The following UBE2E1 variants were observed in gnomAD, a reference collection of about 807,000 sequenced individuals.
The protein encoded by UBE2E1 is ubiquitin-conjugating enzyme E2 E1.
UBE2E1 carries 6 observed loss-of-function variants against 21.4 expected under a neutral mutation model. The ratio of observed to expected loss-of-function variants is 0.28; its 90% CI spans 0.15 to 0.55. The LOEUF (loss-of-function observed/expected upper bound fraction) is 0.55, where lower values mean the gene tolerates loss of function less well. UBE2E1 is among the 20% of genes least tolerant of loss of function. The pLI, the probability that UBE2E1 is intolerant of heterozygous loss-of-function variation, is 0.93. For missense variants in UBE2E1, 142 were observed against 236.5 expected (o/e 0.60, Z 2.62); for synonymous variants, 87 against 82.7 (o/e 1.05, Z -0.28).
chr3:23,855,745 G>A (rs1353153577), intron 3 of UBE2E1, among the ~76,000 whole-genome samples: 1 of 152,056 alleles, frequency 6.6e-6, no homozygotes, highest in African/African-American at 2.4e-5. Context: ...CAGGAGAATG[G>A]CGTGAACCCG....
intron 3 of UBE2E1, among the ~76,000 whole-genome samples, chr3:23,817,090 C>T (rs1040024251): frequency 1.7e-4 from 26 of 152,292 alleles, no homozygotes; most frequent in African/African-American, 5.5e-4. Context: ...AGGCAATACT[C>T]ACAGTTTTTG....
At chr3:23,811,634 C>A in intron 3 of UBE2E1, 124 bp downstream of exon 3, 1 of 855,440 alleles carries the variant, frequency 1.2e-6, no homozygotes, top group Non-Finnish European at 1.8e-6. Flanking sequence ...ACTAACATCA[C>A]GTAACAGCTG....
At chr3:23,809,393 A>G (rs184576050) in intron 2 of UBE2E1, among the ~76,000 whole-genome samples, 3 of 152,332 alleles carry the variant, frequency 2.0e-5, no homozygotes, top group East Asian at 3.9e-4. Flanking sequence ...GAAGGGGCAC[A>G]TTCACCAGGA....
chr3:23,841,946 G>C (rs9880176), intron 3 of UBE2E1, among the ~76,000 whole-genome samples: 1 of 152,144 alleles, frequency 6.6e-6, no homozygotes, highest in African/African-American at 2.4e-5. Context: ...GTGTTGAGTG[G>C]CTGACTGCTG....
chr3:23,833,906 G>T (rs964189524), intron 3 of UBE2E1, among the ~76,000 whole-genome samples: 18 of 152,134 alleles, frequency 1.2e-4, no homozygotes, highest in African/African-American at 4.3e-4. Flanking sequence ...GCTGAGGTGG[G>T]AGGATCACTT....
intron 3 of UBE2E1, among the ~76,000 whole-genome samples, chr3:23,831,798 G>A (rs1699872037): frequency 6.6e-6 from 1 of 151,872 alleles, no homozygotes; most frequent in Admixed American, 6.6e-5. Flanking sequence ...CCAGGTTCAA[G>A]CCATTCTCCT....
chr3:23,828,702 A>G (rs188329784), intron 3 of UBE2E1, among the ~76,000 whole-genome samples: 45 of 152,262 alleles, frequency 3.0e-4, no homozygotes, highest in African/African-American at 1.1e-3. Context: ...GATGCTTTCA[A>G]TATAAAATAA....
rs71057627 is a variant in UBE2E1 at position 23,847,488 on chromosome 3, A to ATTT, written c.203+36000_203+36002dup. On this transcript the variant is annotated intron_variant, in intron 3 of 5. Coordinates refer to ENST00000306627, the MANE Select transcript of UBE2E1 (RefSeq NM_003341.5). Reference sequence around the variant, plus strand: ...ATCTGTGTGTGTACATGTACTTTAAATTTTTTTTTTTTTTTTTTTTTTTTG... The same window carrying ATTT: ...ATCTGTGTGTGTACATGTACTTTAAATTTTTTTTTTTTTTTTTTTTTTTTTTTG... Among the ~76,000 whole-genome samples, 959 of 96,090 alleles carry ATTT rather than the reference A, an allele frequency of 1.0e-2. 12 individuals are homozygous for ATTT. Among genetic ancestry groups the ATTT allele is most frequent in the Non-Finnish European group, 0.012 (608 of 50,056 alleles). The allele number at this position is 96,090 out of a possible 152,430, so 63.0% of individuals were successfully genotyped here. A position where few individuals can be genotyped will look rare whatever the true frequency, so the allele number is the denominator to read the frequency against.
rs568916169 is a variant in UBE2E1 at position 23,867,979 on chromosome 3, C to T, written c.204-19588C>T. ...TTCATTGGGCTATAGATGGGAATGG[C>T]AGCAGTCATAAATATTTCCTATGAA... On this transcript the variant is annotated intron_variant, in intron 3 of 5. Transcript: ENST00000306627. Among the ~76,000 whole-genome samples the T allele has an allele frequency of 5.3e-5, 8 of 152,280 alleles. No homozygotes were observed. The South Asian group carries it at 1.5e-3, about 28-fold the overall frequency.
intron 5 of UBE2E1, chr3:23,889,747 C>T (rs1216914826): frequency 2.3e-5 from 23 of 985,052 alleles, no homozygotes; most frequent in Non-Finnish European, 2.8e-5. Flanking sequence ...GACTTCATTT[C>T]ATTTAAAAAA....
At chr3:23,825,316 C>G (rs556172765) in intron 3 of UBE2E1, among the ~76,000 whole-genome samples, 4 of 152,302 alleles carry the variant, frequency 2.6e-5, no homozygotes, top group African/African-American at 9.6e-5. Flanking sequence ...TTGGTCTGTG[C>G]CTGCCCTGGC....
rs1362614929 is a variant in UBE2E1 at position 23,823,832 on chromosome 3, A to G, written c.203+12322A>G. Among the ~76,000 whole-genome samples, 1 of 152,230 alleles carries G rather than the reference A, an allele frequency of 6.6e-6. No homozygotes were observed. Among genetic ancestry groups the G allele is most frequent in the South Asian group, 2.1e-4 (1 of 4,836 alleles). ...GCAGCGTCATATACTACTTGCTAGTATATCACACTGCTTTGGCCTTTTTCT... is the reference window on the plus strand; with the variant it reads ...GCAGCGTCATATACTACTTGCTAGTGTATCACACTGCTTTGGCCTTTTTCT... On this transcript the variant is annotated intron_variant, in intron 3 of 5. Transcript: ENST00000306627. The surrounding 1 kb of genome is among the most constrained non-coding windows in gnomAD (Gnocchi z 4.2).
chr3:23,867,641 C>A (rs975280213), intron 3 of UBE2E1, among the ~76,000 whole-genome samples: 1 of 152,150 alleles, frequency 6.6e-6, no homozygotes, highest in African/African-American at 2.4e-5. Context: ...ATCAGATTTG[C>A]ATCCTGCTGT....
chr3:23,871,222 C>T (rs1349589415), intron 3 of UBE2E1, among the ~76,000 whole-genome samples: 1 of 148,468 alleles, frequency 6.7e-6, no homozygotes, highest in Non-Finnish European at 1.5e-5. Context: ...GGTGGCCGGG[C>T]AGAGGGGCTC....
In UBE2E1 at chr3:23,816,801, C is replaced by T. The variant is rs1237782277; in HGVS notation, c.203+5291C>T. Among the ~76,000 whole-genome samples, 3 of 152,222 alleles carry T rather than the reference C, an allele frequency of 2.0e-5. No homozygotes were observed. Among genetic ancestry groups the T allele is most frequent in the South Asian group, 2.1e-4 (1 of 4,824 alleles). On this transcript the variant is annotated intron_variant, in intron 3 of 5. Coordinates refer to ENST00000306627, the MANE Select transcript of UBE2E1 (RefSeq NM_003341.5). This position sits in a 1 kb window ranked among gnomAD's most constrained non-coding sequence, Gnocchi z 4.8. ...ATGAAATACCTAGAATAGGCAAACT[C>T]ATAAGGACAGACAGTAGATTAGAGG...
intron 3 of UBE2E1, among the ~76,000 whole-genome samples, chr3:23,866,953 G>C (rs151061876): frequency 7.2e-5 from 11 of 152,168 alleles, no homozygotes; most frequent in African/African-American, 2.6e-4. Context: ...AGCTTCATGG[G>C]TGTAGTAAAA....
intron 3 of UBE2E1, among the ~76,000 whole-genome samples, chr3:23,858,494 A>AT (rs1174409385): frequency 2.0e-5 from 3 of 151,802 alleles, no homozygotes; most frequent in Admixed American, 1.3e-4. Context: ...TGATTTTTGT[A>AT]TTTTTTGTAG....
At chr3:23,889,876 C>T in intron 5 of UBE2E1, 1 of 366,146 alleles carries the variant, frequency 2.7e-6, no homozygotes, top group East Asian at 1.6e-4. Flanking sequence ...GCCTGGGTGG[C>T]AAAGCGAGAC....
intron 3 of UBE2E1, chr3:23,878,937 T>G (rs1323268963): frequency 2.6e-6 from 1 of 380,620 alleles, no homozygotes; most frequent in Non-Finnish European, 5.2e-6. Flanking sequence ...AAAATTGTCT[T>G]CCACAAAAGC....
Sources: gnomAD v4.1 joint callset for allele counts (sites outside exome capture counted in the v4.1 genomes callset) on GRCh38, gnomAD v4.1.1 for gene constraint, Gnocchi (gnomAD v3.1) non-coding constraint, MANE v1.5 for transcripts, NCBI Gene and HGNC (gene_info 2026-07-23, HGNC 2026-07-21) for gene names.